Variants in CLMN observed in about 807,000 individuals in gnomAD.
The protein encoded by CLMN is calmin.
A neutral mutation model predicts 92.7 loss-of-function variants in CLMN; 57 were observed. The observed-to-expected ratio is 0.61, with a 90% CI of 0.50 to 0.77. CLMN has a LOEUF of 0.77. Ranked by LOEUF, CLMN falls within the 30% of genes least tolerant of loss-of-function variation. The probability of loss-of-function intolerance (pLI) is 0.00; values close to 1 mark genes in which losing one functional copy is unlikely to be tolerated. For synonymous variants in CLMN, 466 were observed against 470.6 expected, an observed-to-expected ratio of 0.99 and a Z score of 0.13; for missense variants, 1,158 against 1,237.5, an observed-to-expected ratio of 0.94 and a Z score of 0.96.
intron 4 of CLMN, among the ~76,000 whole-genome samples, chr14:95,217,158 G>A (rs1362131737): frequency 1.3e-5 from 2 of 152,178 alleles, no homozygotes; most frequent in African/African-American, 4.8e-5. Context: ...CATTCTTCAG[G>A]AGAAAGAGAA....
intron 1 of CLMN, among the ~76,000 whole-genome samples, chr14:95,286,659 C>A (rs1399055509): frequency 6.6e-6 from 1 of 151,558 alleles, no homozygotes; most frequent in Non-Finnish European, 1.5e-5. Flanking sequence ...ATGTTTTCAC[C>A]CAAAATAAAA....
intron 9 of CLMN, among the ~76,000 whole-genome samples, chr14:95,201,620 C>T (rs911692584): frequency 3.4e-5 from 5 of 146,172 alleles, no homozygotes; most frequent in Non-Finnish European, 7.4e-5. Flanking sequence ...ACAGAGTGTG[C>T]AGGTTTGTTA....
intron 1 of CLMN, among the ~76,000 whole-genome samples, chr14:95,235,581 TG>T (rs1355293245): frequency 6.6e-6 from 1 of 152,156 alleles, no homozygotes; most frequent in Admixed American, 6.5e-5. Flanking sequence ...GGCCAAAAAA[TG>T]GTCATTTTCT....
intron 1 of CLMN, among the ~76,000 whole-genome samples, chr14:95,312,202 T>C (rs1347195286): frequency 1.3e-5 from 2 of 152,090 alleles, no homozygotes; most frequent in Non-Finnish European, 2.9e-5. Flanking sequence ...CACGCTGATC[T>C]CAACCTCACC....
At chr14:95,283,565 T>C (rs1900222095) in intron 1 of CLMN, among the ~76,000 whole-genome samples, 1 of 152,206 alleles carries the variant, frequency 6.6e-6, no homozygotes, top group South Asian at 2.1e-4. Flanking sequence ...TTGAATGGTT[T>C]TGCCCAAAAT....
chr14:95,224,534 C>T (rs889585104), intron 2 of CLMN, among the ~76,000 whole-genome samples: 14 of 152,178 alleles, frequency 9.2e-5, no homozygotes, highest in South Asian at 8.3e-4. Flanking sequence ...CCGCCCGCCT[C>T]GGCCTCCCAA....
chr14:95,289,155 G>C (rs192157834), intron 1 of CLMN, among the ~76,000 whole-genome samples: 31 of 152,264 alleles, frequency 2.0e-4, no homozygotes, highest in Non-Finnish European at 2.4e-4. Context: ...CTAAGGTTAG[G>C]GCACTCTGTA....
intron 3 of CLMN, chr14:95,222,631 GA>G (rs1381110599): frequency 4.4e-6 from 2 of 455,722 alleles, no homozygotes; most frequent in African/African-American, 4.0e-5. Flanking sequence ...TCTGTGCTGG[GA>G]GCATAAACAA....
rs901020110 is a variant in CLMN, at chr14:95,191,959, A to C, written c.2841-227T>G. 2.3e-6 allele frequency: 1 copy of C among 434,004 alleles called. No homozygotes were observed. The allele number at this position is 434,004 out of a possible 1,614,324, so 26.9% of individuals were successfully genotyped here. On this transcript the variant is annotated intron_variant, in intron 12 of 12. Coordinates refer to ENST00000298912, the MANE Select transcript of CLMN (RefSeq NM_024734.4). The surrounding 1 kb of genome is among the most constrained non-coding windows in gnomAD (Gnocchi z 5.3). Reference sequence around the variant, plus strand: ...TTTTGCACGTACTCCGTTCATCTCCATAACATCAGGTGAGAGGAGGTGGCA... The same window carrying C: ...TTTTGCACGTACTCCGTTCATCTCCCTAACATCAGGTGAGAGGAGGTGGCA...
intron 1 of CLMN, among the ~76,000 whole-genome samples, chr14:95,299,133 G>T (rs1900932049): frequency 6.6e-6 from 1 of 152,200 alleles, no homozygotes; most frequent in African/African-American, 2.4e-5. Flanking sequence ...TTAGCACATG[G>T]TCTAATGGGA....
At chr14:95,199,827 G>A (rs890810976) in intron 9 of CLMN, among the ~76,000 whole-genome samples, 2 of 152,114 alleles carry the variant, frequency 1.3e-5, no homozygotes, top group Non-Finnish European at 2.9e-5. Flanking sequence ...AGTCACACCT[G>A]GAGGCAGAGG....
chr14:95,190,417 A>C lies in CLMN; in HGVS notation c.*1147T>G, dbSNP rs1209614173. 1.3e-5 allele frequency: 2 copies of C among 152,276 alleles called. No individual in the cohort carries two copies. The highest frequency in any genetic ancestry group is 6.5e-5 in the Admixed American group (1 of 15,284). The allele number at this position is 152,276 out of a possible 1,614,324, so 9.4% of individuals were successfully genotyped here. Reference sequence around the variant, plus strand: ...CCCCTCCTGACTCATTTGTGATTTTATAAGGGTTGCCTGGTACATGCTTTC... The same window carrying C: ...CCCCTCCTGACTCATTTGTGATTTTCTAAGGGTTGCCTGGTACATGCTTTC... On this transcript the variant is annotated 3_prime_UTR_variant, in exon 13 of 13. Coordinates refer to ENST00000298912, the MANE Select transcript of CLMN (RefSeq NM_024734.4).
At chr14:95,224,881 G>A (rs1467619746) in intron 2 of CLMN, among the ~76,000 whole-genome samples, 1 of 152,140 alleles carries the variant, frequency 6.6e-6, no homozygotes, top group East Asian at 1.9e-4. Context: ...GAGGTGGTGG[G>A]ACCCTTAGCA....
intron 4 of CLMN, among the ~76,000 whole-genome samples, chr14:95,221,058 G>A (rs1198321928): frequency 6.6e-6 from 1 of 152,174 alleles, no homozygotes; most frequent in African/African-American, 2.4e-5. Flanking sequence ...CCTACTTTAT[G>A]ATAAAATCTC....
chr14:95,284,930 G>A (rs894064084), intron 1 of CLMN, among the ~76,000 whole-genome samples: 8 of 152,086 alleles, frequency 5.3e-5, no homozygotes, highest in Non-Finnish European at 1.0e-4. Context: ...AGGGGCCATG[G>A]GTGGAATGAT....
chr14:95,314,438 G>A (rs567816659), intron 1 of CLMN, among the ~76,000 whole-genome samples: 4 of 152,178 alleles, frequency 2.6e-5, no homozygotes, highest in East Asian at 3.9e-4. Flanking sequence ...CATGCATGCC[G>A]GGCTGGAAGG....
chr14:95,205,690 T>C (rs1451337483), intron 8 of CLMN, among the ~76,000 whole-genome samples: 1 of 152,030 alleles, frequency 6.6e-6, no homozygotes, highest in Non-Finnish European at 1.5e-5. Context: ...GTGATATATA[T>C]AAAATATATA....
intron 1 of CLMN, among the ~76,000 whole-genome samples, chr14:95,303,090 T>C (rs193145625): frequency 2.6e-5 from 4 of 152,234 alleles, no homozygotes; most frequent in African/African-American, 7.2e-5. Context: ...AAAGTCAGTA[T>C]CTGATAGAGG....
At chr14:95,225,888 C>T (rs967271519) in intron 2 of CLMN, among the ~76,000 whole-genome samples, 3 of 152,300 alleles carry the variant, frequency 2.0e-5, no homozygotes, top group Admixed American at 6.5e-5. Flanking sequence ...TGGTTCCACA[C>T]GGTATCTGCT....
Sources: gnomAD v4.1 joint callset for allele counts (sites outside exome capture counted in the v4.1 genomes callset) on GRCh38, gnomAD v4.1.1 for gene constraint, Gnocchi (gnomAD v3.1) non-coding constraint, MANE v1.5 for transcripts, NCBI Gene and HGNC (gene_info 2026-07-23, HGNC 2026-07-21) for gene names.